The following HK1 variants were observed in gnomAD, a reference collection of about 807,000 sequenced individuals.
HK1 encodes hexokinase 1, also known as hexokinase-1.
Under a neutral mutation model 91.6 loss-of-function variants are expected in HK1, and 28 were observed. That is an observed-to-expected ratio of 0.31 (90% CI 0.23 to 0.42). The LOEUF (loss-of-function observed/expected upper bound fraction) is 0.42. Among genes scored for constraint, HK1 ranks in the 10% least tolerant of loss-of-function variants. The pLI is 1.00. For synonymous variants in HK1, 430 were observed against 468.1 expected (o/e 0.92, Z 1.05); for missense variants, 770 against 1,219.8 (o/e 0.63, Z 5.49).
At chr10:69,394,545 G>A (rs1024740089) in intron 15 of HK1, among the ~76,000 whole-genome samples, 9 of 152,162 alleles carry the variant, frequency 5.9e-5, no homozygotes, top group Non-Finnish European at 1.2e-4. Flanking sequence ...TGTCACTACA[G>A]CAGTGGTGGT....
chr10:69,389,774 C>G (rs1839813770), intron 14 of HK1, among the ~76,000 whole-genome samples: 1 of 152,102 alleles, frequency 6.6e-6, no homozygotes, highest in African/African-American at 2.4e-5. Flanking sequence ...GTCTTGGGCA[C>G]CATTTTGCCT....
chr10:69,274,837 A>G (rs1707964959), intron 1 of HK1, among the ~76,000 whole-genome samples: 1 of 152,172 alleles, frequency 6.6e-6, no homozygotes, highest in South Asian at 2.1e-4. Flanking sequence ...TAGCCAGCTC[A>G]CATGACCATA....
At position 69,398,788 on chromosome 10, in the gene HK1, A is replaced by T. The variant is rs1477862149; in HGVS notation, c.2569A>T (p.Thr857Ser). 6.2e-7 allele frequency: 1 copy of T among 1,613,914 alleles called. No individual in the cohort carries two copies. Among genetic ancestry groups the T allele is most frequent in the Non-Finnish European group, 8.5e-7 (1 of 1,179,762 alleles). The stretch of plus-strand genomic sequence containing the variant: ...CAGAGGACTGGACCGTCTGAATGTG[A>T]CTGTGGGAGTGGACGGGACACTCTA... Reference protein sequence around the residue: ...ENRGLDRLNVTVGVDGTLYKL... With the variant: ...ENRGLDRLNVSVGVDGTLYKL... The change falls in exon 17 of 18, where the codon ACT (threonine) becomes TCT (serine). Residue 857 changes from threonine (T) to serine (S), a missense_variant. Around this residue, in one of 7 missense-constraint regions of HK1, gnomAD observed 78 missense variants for 99.0 expected, o/e 0.79. Transcript: ENST00000359426.
chr10:69,348,600 C>T (rs1268068839), intron 2 of HK1, among the ~76,000 whole-genome samples: 1 of 152,132 alleles, frequency 6.6e-6, no homozygotes, highest in Non-Finnish European at 1.5e-5. Context: ...CACCTGAGGT[C>T]AGGAGTTGGA....
At chr10:69,305,542 G>A (rs1846064657) in intron 5 of HK1, among the ~76,000 whole-genome samples, 1 of 151,802 alleles carries the variant, frequency 6.6e-6, no homozygotes, top group Non-Finnish European at 1.5e-5. Context: ...AGAAAACTGA[G>A]GTACCAGTTA....
At chr10:69,310,047 T>A (rs572988048) in intron 5 of HK1, among the ~76,000 whole-genome samples, 82 of 126,694 alleles carry the variant, frequency 6.5e-4, no homozygotes, top group African/African-American at 2.3e-3. Flanking sequence ...CGAAACTCCA[T>A]CTCATAAAAA....
chr10:69,325,294 G>A (rs529658716), intron 1 of HK1, among the ~76,000 whole-genome samples: 4 of 151,506 alleles, frequency 2.6e-5, no homozygotes, highest in African/African-American at 4.8e-5. Flanking sequence ...CTTGTGATCC[G>A]CCTGCCTCGA....
chr10:69,351,402 G>A (rs192356215), intron 2 of HK1, among the ~76,000 whole-genome samples: 2 of 152,162 alleles, frequency 1.3e-5, no homozygotes, highest in African/African-American at 2.4e-5. Flanking sequence ...CCAGCTACTG[G>A]GGAGGCTGAG....
intron 2 of HK1, among the ~76,000 whole-genome samples, chr10:69,349,528 C>T (rs554724818): frequency 6.6e-6 from 1 of 152,306 alleles, no homozygotes; most frequent in Admixed American, 6.5e-5. Flanking sequence ...CGAGCCCCTG[C>T]AGGAAGGATG....
chr10:69,344,756 C>T (rs1848465741), intron 2 of HK1, among the ~76,000 whole-genome samples: 1 of 152,184 alleles, frequency 6.6e-6, no homozygotes, highest in Non-Finnish European at 1.5e-5. Flanking sequence ...AGCTGTTCTT[C>T]CCGGCAGACC....
upstream of HK1, chr10:69,318,250 T>C: frequency 1.0e-6 from 1 of 984,000 alleles, no homozygotes. Flanking sequence ...GCCGGTGCGT[T>C]CGGCCTGGGT....
At position 69,369,155 on chromosome 10, in the gene HK1, C is replaced by A; in HGVS notation, c.592-82C>A. 1 of 1,016,452 alleles carries A rather than the reference C, an allele frequency of 9.8e-7. No homozygotes were observed. Among genetic ancestry groups the A allele is most frequent in the Non-Finnish European group, 1.6e-6 (1 of 644,514 alleles). The allele number at this position is 1,016,452 out of a possible 1,614,324, so 63.0% of individuals were successfully genotyped here. A position where few individuals can be genotyped will look rare whatever the true frequency, so the allele number is the denominator to read the frequency against. On this transcript the variant is annotated intron_variant, in intron 5 of 17. Transcript: ENST00000359426. This position sits in a 1 kb window ranked among gnomAD's most constrained non-coding sequence, Gnocchi z 4.4. ...AAAGCAGGGGTTCTGAAAACGGGAGCACTTCTGCCAAGCGCTGTTAAGGTG... is the reference window on the plus strand; with the variant it reads ...AAAGCAGGGGTTCTGAAAACGGGAGAACTTCTGCCAAGCGCTGTTAAGGTG...
At chr10:69,295,775 G>A in intron 4 of HK1, 1 of 857,516 alleles carries the variant, frequency 1.2e-6, no homozygotes, top group African/African-American at 1.7e-5. Flanking sequence ...TTTTCAGCCA[G>A]CCAAGCAGCT....
At chr10:69,272,500 C>T (rs940575951) in intron 1 of HK1, among the ~76,000 whole-genome samples, 2 of 152,140 alleles carry the variant, frequency 1.3e-5, no homozygotes, top group African/African-American at 4.8e-5. Flanking sequence ...CTGAAAATGT[C>T]TTTTTACCCT....
intron 15 of HK1, among the ~76,000 whole-genome samples, chr10:69,394,612 AC>A (rs58072026): frequency 0.017 from 2,561 of 151,946 alleles, 79 homozygotes; most frequent in African/African-American, 0.059. Context: ...GTGTGTGGGA[AC>A]CTGAAACAGG....
At chr10:69,374,494 G>A (rs1023483699) in intron 7 of HK1, among the ~76,000 whole-genome samples, 4 of 152,250 alleles carry the variant, frequency 2.6e-5, no homozygotes, top group African/African-American at 7.2e-5. Context: ...GTTATCACAG[G>A]TGGCATGCCC....
intron 1 of HK1, among the ~76,000 whole-genome samples, chr10:69,276,089 TCA>T (rs1844422661): frequency 1.4e-4 from 2 of 14,410 alleles, no homozygotes; most frequent in East Asian, 2.7e-3. Context: ...AAACTCCTTT[TCA>T]AAAAAAAAAA....
At chr10:69,305,214 A>T (rs146596102) in intron 5 of HK1, among the ~76,000 whole-genome samples, 29 of 152,310 alleles carry the variant, frequency 1.9e-4, no homozygotes, top group Non-Finnish European at 3.4e-4. Flanking sequence ...GCCACAGAAT[A>T]GCTGTGTCTC....
At chr10:69,355,068 CAA>C (rs775908068) in intron 2 of HK1, among the ~76,000 whole-genome samples, 1,733 of 85,162 alleles carry the variant, frequency 0.02, 29 homozygotes, top group African/African-American at 0.064. Flanking sequence ...GACTCCCTCT[CAA>C]AAAAAAAAAA....
Sources: gnomAD v4.1 joint callset for allele counts (sites outside exome capture counted in the v4.1 genomes callset) on GRCh38, gnomAD v4.1.1 for gene constraint, gnomAD v4.1.1 regional missense constraint, Gnocchi (gnomAD v3.1) non-coding constraint, MANE v1.5 for transcripts, NCBI Gene and HGNC (gene_info 2026-07-23, HGNC 2026-07-21) for gene names.